The following PTGES2 variants were observed in gnomAD, a reference collection of about 807,000 sequenced individuals.
The protein encoded by PTGES2 is GATE-binding factor 1.
In PTGES2, 35 loss-of-function variants were observed where a neutral mutation model predicts 44.5. The observed-to-expected ratio is 0.79, with a 90% CI of 0.60 to 1.04. The LOEUF (loss-of-function observed/expected upper bound fraction) is 1.04, where lower values mean the gene tolerates loss of function less well. PTGES2 is among the 50% of genes least tolerant of loss of function. The pLI is 0.00. For missense variants in PTGES2, 517 were observed against 521.4 expected, an observed-to-expected ratio of 0.99 and a Z score of 0.08; for synonymous variants, 221 against 227.5, an observed-to-expected ratio of 0.97 and a Z score of 0.26.
chr9:128,126,977 G>A (rs1032584306), intron 1 of PTGES2, among the ~76,000 whole-genome samples: 1 of 151,980 alleles, frequency 6.6e-6, no homozygotes, highest in East Asian at 1.9e-4. Context: ...CCAGGAGTTC[G>A]AGACCAGCCT....
chr9:128,125,102 G>A (rs780399193), intron 2 of PTGES2, 142 bp downstream of exon 2: 110 of 800,816 alleles, frequency 1.4e-4, no homozygotes, highest in African/African-American at 4.2e-4. Flanking sequence ...AGCATCTACC[G>A]TATGCAGCTA....
chr9:128,121,034 G>A lies in PTGES2; in HGVS notation c.*111C>T. On this transcript the variant is annotated 3_prime_UTR_variant, in exon 7 of 7. Coordinates refer to ENST00000338961, the MANE Select transcript of PTGES2 (RefSeq NM_025072.7). ...AGGGCTGGTGGGGGTGCGTGGACAAGGGGCAGAATGATCCTGCCCCCAACC... is the reference window on the plus strand; with the variant it reads ...AGGGCTGGTGGGGGTGCGTGGACAAAGGGCAGAATGATCCTGCCCCCAACC... The A allele has an allele frequency of 4.4e-6, 6 of 1,374,492 alleles. No homozygotes were observed. Among genetic ancestry groups the A allele is most frequent in the Non-Finnish European group, 5.9e-6 (6 of 1,011,980 alleles). 85.1% of individuals were successfully genotyped at this position (1,374,492 alleles called of 1,614,324 possible). A position where few individuals can be genotyped will look rare whatever the true frequency, so the allele number is the denominator to read the frequency against.
At chr9:128,127,808 G>A, upstream of PTGES2, 1 of 1,149,012 alleles carries the variant, frequency 8.7e-7, no homozygotes, top group Non-Finnish European at 1.1e-6. Context: ...GGCGCCCCGC[G>A]GGTTGGCCGG....
In PTGES2 at chr9:128,127,467, T is replaced by C; in HGVS notation, c.251A>G (p.Asp84Gly). ...CGCGGCTGAGCGCTCTGCGTGGAGGTCCTGGGCGCGCAGGTGCCACCGCGC... is the reference window on the plus strand; with the variant it reads ...CGCGGCTGAGCGCTCTGCGTGGAGGCCCTGGGCGCGCAGGTGCCACCGCGC... ...HTARWHLRAQ[D>G]LHAERSAAQL... is the part of the protein sequence containing the mutation. Residue 84 changes from aspartate to glycine, a missense_variant, in exon 1 of 7, where the codon GAC becomes GGC. Coordinates refer to ENST00000338961, the MANE Select transcript of PTGES2 (RefSeq NM_025072.7). The C allele has an allele frequency of 7.1e-7, 1 of 1,400,900 alleles. No individual in the cohort carries two copies. The highest frequency in any genetic ancestry group is 9.3e-7 in the Non-Finnish European group (1 of 1,072,874). 86.8% of individuals were successfully genotyped at this position (1,400,900 alleles called of 1,614,324 possible). A position where few individuals can be genotyped will look rare whatever the true frequency, so the allele number is the denominator to read the frequency against.
intron 1 of PTGES2, among the ~76,000 whole-genome samples, chr9:128,125,647 G>A (rs936186516): frequency 6.6e-6 from 1 of 152,116 alleles, no homozygotes; most frequent in African/African-American, 2.4e-5. Context: ...CCCCAAGCAG[G>A]AGTCCCACCC....
At chr9:128,125,174 G>A (rs1459344699) in intron 2 of PTGES2, 70 bp downstream of exon 2, 2 of 1,419,670 alleles carry the variant, frequency 1.4e-6, no homozygotes, top group East Asian at 5.0e-5. Context: ...GCAGAGCCAG[G>A]CCAGGCTAGG....
At chr9:128,124,468 C>T (rs199772231) in intron 3 of PTGES2, 24 bp downstream of exon 3, 51 of 1,611,638 alleles carry the variant, frequency 3.2e-5, no homozygotes, top group Non-Finnish European at 4.0e-5. Context: ...GCAATGGCCA[C>T]CTGGTCTCCG....
upstream of PTGES2, chr9:128,128,170 A>AGGTGAGCGGC (rs11283643): frequency 8.3e-6 from 3 of 363,022 alleles, no homozygotes; most frequent in African/African-American, 4.3e-5. Flanking sequence ...ACCCGGCACC[A>AGGTGAGCGGC]GGTGTTGCGG....
rs761097590 is a variant in PTGES2 at position 128,123,881 on chromosome 9, C to T, written c.537-30G>A. ...GGAGAGAGCCACAATATCACCCCAA[C>T]TCCTTCCCCCTCCGTCCCCTGTGGC... On this transcript the variant is annotated intron_variant, in intron 3 of 6. Transcript: ENST00000338961. This position sits in a 1 kb window ranked among gnomAD's most constrained non-coding sequence, Gnocchi z 4.4. 1 of 1,604,266 alleles carries T rather than the reference C, an allele frequency of 6.2e-7. No individual in the cohort carries two copies.
At position 128,123,835 on chromosome 9, in the gene PTGES2, T is replaced by A. The variant is rs745649771; in HGVS notation, c.553A>T (p.Ile185Phe). The A allele has an allele frequency of 4.3e-6, 7 of 1,613,854 alleles. No homozygotes were observed. The Admixed American group carries it at 1.0e-4, about 23-fold the overall frequency. Reference sequence around the variant, plus strand: ...TTCATGGCTGGGTAGTAGGTGATGATCTCTTCCAGGGGCTGCCTTCGGAGA... The same window carrying A: ...TTCATGGCTGGGTAGTAGGTGATGAACTCTTCCAGGGGCTGCCTTCGGAGA... ...YLVSGQPLEE[I>F]ITYYPAMKAV... The change falls in exon 4 of 7, where the codon ATC (isoleucine) becomes TTC (phenylalanine). Residue 185 changes from isoleucine to phenylalanine, a missense_variant. Coordinates refer to ENST00000338961, the MANE Select transcript of PTGES2 (RefSeq NM_025072.7). This position sits in a 1 kb window ranked among gnomAD's most constrained non-coding sequence, Gnocchi z 4.4.
chr9:128,124,062 G>A (rs891671618), intron 3 of PTGES2, among the ~76,000 whole-genome samples: 2 of 152,040 alleles, frequency 1.3e-5, no homozygotes, highest in African/African-American at 4.8e-5. Context: ...GAGGAGGACG[G>A]CCACGGGCTA....
chr9:128,121,627 A>G (rs1250748992), intron 6 of PTGES2, among the ~76,000 whole-genome samples: 2 of 152,150 alleles, frequency 1.3e-5, no homozygotes, highest in African/African-American at 4.8e-5. Context: ...AAAAATGAGC[A>G]GTGGGCCAGG....
In PTGES2 at chr9:128,121,109, C is replaced by G. The variant is rs1335855120; in HGVS notation, c.*36G>C. 6.4e-7 allele frequency: 1 copy of G among 1,559,706 alleles called. No homozygotes were observed. The highest frequency in any genetic ancestry group is 8.7e-7 in the Non-Finnish European group (1 of 1,152,982). Reference sequence around the variant, plus strand: ...GGCCCCAGGCCCTGGCAGCTGGCGTCTTCCGCTGCCTTCCCTCTGCTCTGC... The same window carrying G: ...GGCCCCAGGCCCTGGCAGCTGGCGTGTTCCGCTGCCTTCCCTCTGCTCTGC... On this transcript the variant is annotated 3_prime_UTR_variant, in exon 7 of 7. Coordinates refer to ENST00000338961, the MANE Select transcript of PTGES2 (RefSeq NM_025072.7).
chr9:128,124,965 G>T, intron 2 of PTGES2: 5 of 890,148 alleles, frequency 5.6e-6, no homozygotes, highest in Non-Finnish European at 7.8e-6. Flanking sequence ...CTAGTGAGTG[G>T]GTGAATCACA....
rs758869231 is a variant in PTGES2, at chr9:128,122,939, CTT to C, written c.880_881del (p.Lys294GlufsTer15). 44 of 1,614,080 alleles carry C rather than the reference CTT, an allele frequency of 2.7e-5. No homozygotes were observed. Among genetic ancestry groups the C allele is most frequent in the Admixed American group, 1.0e-4 (6 of 60,032 alleles). On this transcript the variant is annotated frameshift_variant, in exon 5 of 7. Coordinates refer to ENST00000338961, the MANE Select transcript of PTGES2 (RefSeq NM_025072.7). LOFTEE classifies it high-confidence loss of function. ...AAMYLISKRL[K>X]SRHRLQDNVR... ...GGATGTGCACACACACTTGCCTGCT[CTT>C]GAGTCGCTTGCTGATGAGGTACATG...
rs770175597 is a variant in PTGES2, at chr9:128,125,371, C to T, written c.350G>A (p.Arg117Gln). Reference protein sequence around the residue: ...YKTCPFCSKVRAFLDFHALPY... With the variant: ...YKTCPFCSKVQAFLDFHALPY... ...CAGGGCATGGAAGTCGAGGAAGGCT[C>T]GGACCTTGCTGCAGAAGGGACACGT... is the stretch of plus-strand genomic sequence containing the variant. Residue 117 changes from arginine to glutamine, a missense_variant, in exon 2 of 7, where the codon CGA becomes CAA. Transcript: ENST00000338961. The T allele has an allele frequency of 3.7e-5, 60 of 1,614,146 alleles. No homozygotes were observed. Among genetic ancestry groups the T allele is most frequent in the Non-Finnish European group, 4.9e-5 (58 of 1,180,018 alleles).
chr9:128,127,686 AGC>A lies in PTGES2; in HGVS notation c.30_31del (p.Leu11ValfsTer42), dbSNP rs1203452155. ...GGCCAAGGCGCACCCACCAGGCCAC[AGC>A]GCCCGCACCACCCGCGCAGCCGGGT... On this transcript the variant is annotated frameshift_variant, in exon 1 of 7. Transcript: ENST00000338961. LOFTEE classifies it high-confidence loss of function. The A allele has an allele frequency of 7.7e-7, 1 of 1,294,522 alleles. No homozygotes were observed. The highest frequency in any genetic ancestry group is 3.1e-5 in the East Asian group (1 of 31,784). 80.2% of individuals were successfully genotyped at this position (1,294,522 alleles called of 1,614,324 possible).
At position 128,121,005 on chromosome 9, in the gene PTGES2, C is replaced by T. The variant is rs1834386738; in HGVS notation, c.*140G>A. 4.5e-6 allele frequency: 5 copies of T among 1,122,884 alleles called. No individual in the cohort carries two copies. The highest frequency in any genetic ancestry group is 2.9e-5 in the South Asian group (2 of 69,196). The allele number at this position is 1,122,884 out of a possible 1,614,324, so 69.6% of individuals were successfully genotyped here. ...CCCAGCAGGTGCCCTGTGTTAGAAG[C>T]GAGAGGGCTGGTGGGGGTGCGTGGA... On this transcript the variant is annotated 3_prime_UTR_variant, in exon 7 of 7. Transcript: ENST00000338961.
At chr9:128,125,538 G>GCTAGAACATCGGGAAGAGGAA (rs1834588106) in intron 1 of PTGES2, 97 bp from the exon 2 acceptor site, 4 of 1,119,966 alleles carry the variant, frequency 3.6e-6, no homozygotes, top group Non-Finnish European at 5.2e-6. Flanking sequence ...CTGAAATGAC[G>GCTAGAACATCGGGAAGAGGAA]CTAGAACATC....
Sources: gnomAD v4.1 joint callset for allele counts (sites outside exome capture counted in the v4.1 genomes callset) on GRCh38, gnomAD v4.1.1 for gene constraint, Gnocchi (gnomAD v3.1) non-coding constraint, MANE v1.5 for transcripts, NCBI Gene and HGNC (gene_info 2026-07-23, HGNC 2026-07-21) for gene names.